Variants in CLCN1 observed in about 807,000 individuals in gnomAD.
The protein encoded by CLCN1 is chloride channel protein 1.
CLCN1 carries 100 observed loss-of-function variants against 114.5 expected under a neutral mutation model. The observed-to-expected ratio is 0.87, with a 90% confidence interval of 0.74 to 1.03. The LOEUF (loss-of-function observed/expected upper bound fraction) is 1.03. Ranked by LOEUF, CLCN1 falls within the 50% of genes least tolerant of loss-of-function variation. The pLI is 0.00. For missense variants in CLCN1, 1,188 were observed against 1,250.0 expected, an observed-to-expected ratio of 0.95 and a Z score of 0.75; for synonymous variants, 485 against 487.1, an observed-to-expected ratio of 1.00 and a Z score of 0.06.
In CLCN1 at chr7:143,350,988, G is replaced by A. The variant is rs1218005507; in HGVS notation, c.2595+334G>A. Among the ~76,000 whole-genome samples the A allele has an allele frequency of 3.3e-5, 5 of 152,124 alleles. No homozygotes were observed. The highest frequency in any genetic ancestry group is 7.3e-5 in the Non-Finnish European group (5 of 68,028). On this transcript the variant is annotated intron_variant, in intron 22 of 22. Transcript: ENST00000343257. The surrounding 1 kb of genome is among the most constrained non-coding windows in gnomAD (Gnocchi z 5.1). ...AGACGGGGTTTTGCCATGTTGGGCA[G>A]GCTAGTCTCAAACTCCTGACCTCAG...
chr7:143,343,859 C>T (rs62471046), intron 16 of CLCN1, among the ~76,000 whole-genome samples: 29,600 of 149,644 alleles, frequency 0.2, 2,949 homozygotes, highest in Non-Finnish European at 0.22. Context: ...TCTTTCTTTT[C>T]GACAGAGCCT....
At position 143,323,870 on chromosome 7, in the gene CLCN1, G is replaced by A. The variant is rs372972779; in HGVS notation, c.774+484G>A. 7.2e-5 allele frequency: 34 copies of A among 472,658 alleles called. No individual in the cohort carries two copies. The East Asian group carries it at 1.6e-3, about 22-fold the overall frequency. The allele number at this position is 472,658 out of a possible 1,614,324, so 29.3% of individuals were successfully genotyped here. On this transcript the variant is annotated intron_variant, in intron 6 of 22. Transcript: ENST00000343257. ...GGTGTCGGCCTGTGCAGTGGGCGTGGGATGCTGCTTTGCAGCCCCTGTCGG... is the reference window on the plus strand; with the variant it reads ...GGTGTCGGCCTGTGCAGTGGGCGTGAGATGCTGCTTTGCAGCCCCTGTCGG...
intron 12 of CLCN1, among the ~76,000 whole-genome samples, chr7:143,335,214 G>A (rs1037735777): frequency 2.6e-5 from 4 of 151,980 alleles, no homozygotes; most frequent in East Asian, 1.9e-4. Flanking sequence ...ATTCCACTTC[G>A]CAAATTCAAG....
intron 16 of CLCN1, 50 bp from the exon 17 acceptor site, chr7:143,345,471 T>C: frequency 6.7e-7 from 1 of 1,488,228 alleles, no homozygotes; most frequent in Non-Finnish European, 9.0e-7. Context: ...AGCGCGGTGG[T>C]GCGAGAGGGC....
chr7:143,346,576 C>G lies in CLCN1; in HGVS notation c.2285-3C>G, dbSNP rs1803254467. ...ATTTCCATCCACTCACCTGTCCTCT[C>G]AGGTCAAAGACCCTCCATCTTCCAG... is the stretch of plus-strand genomic sequence containing the variant. On this transcript the variant is annotated splice_region_variant and splice_polypyrimidine_tract_variant and intron_variant, in intron 18 of 22. Coordinates refer to ENST00000343257, the MANE Select transcript of CLCN1 (RefSeq NM_000083.3). The G allele has an allele frequency of 6.2e-7, 1 of 1,612,124 alleles. No individual in the cohort carries two copies. Among genetic ancestry groups the G allele is most frequent in the Non-Finnish European group, 8.5e-7 (1 of 1,178,492 alleles).
At chr7:143,332,614 A>G in intron 11 of CLCN1, 110 bp from the exon 12 acceptor site, 2 of 1,531,584 alleles carry the variant, frequency 1.3e-6, no homozygotes, top group Non-Finnish European at 1.8e-6. Flanking sequence ...TCTCCCTGAG[A>G]AAAGGGCAAA....
intron 7 of CLCN1, among the ~76,000 whole-genome samples, chr7:143,325,064 T>A (rs1486616065): frequency 1.3e-5 from 2 of 152,252 alleles, no homozygotes; most frequent in African/African-American, 2.4e-5. Flanking sequence ...TCTCCAAGTA[T>A]AAGGCAAATA....
chr7:143,320,726 G>T lies in CLCN1; in HGVS notation c.364G>T (p.Val122Leu). The T allele has an allele frequency of 6.2e-7, 1 of 1,613,560 alleles. No homozygotes were observed. The highest frequency in any genetic ancestry group is 1.1e-5 in the South Asian group (1 of 91,062). The stretch of plus-strand genomic sequence containing the variant: ...ATTAGGGGAAGACGGGATCTTTCTG[G>T]TGCTTCTGGGACTGCTGATGGCTCT... ...RKLGEDGIFL[V>L]LLGLLMALVS... Residue 122 changes from valine to leucine, a missense_variant, in exon 3 of 23, where the codon GTG (valine) becomes TTG (leucine). Coordinates refer to ENST00000343257, the MANE Select transcript of CLCN1 (RefSeq NM_000083.3).
At chr7:143,320,844 C>T (rs1405347137) in intron 3 of CLCN1, 49 bp downstream of exon 3, 1 of 1,610,698 alleles carries the variant, frequency 6.2e-7, no homozygotes, top group South Asian at 1.1e-5. Flanking sequence ...GAGTTTCTAC[C>T]TAGGGTAAGC....
Position 143,316,179 on chromosome 7 carries a change from G to T in CLCN1, c.-34G>T. The T allele has an allele frequency of 6.3e-7, 1 of 1,584,710 alleles. No individual in the cohort carries two copies. Among genetic ancestry groups the T allele is most frequent in the South Asian group, 1.1e-5 (1 of 90,636 alleles). On this transcript the variant is annotated 5_prime_UTR_variant, in exon 1 of 23. Transcript: ENST00000343257. ...CTGGGGGAAGGACAGGGGCAAGCAG[G>T]CCAAGGCCTGGCCGGGGCTCGGGGG... is the stretch of plus-strand genomic sequence containing the variant.
rs2116387531 is a variant in CLCN1, at chr7:143,346,623, G to C, written c.2329G>C (p.Gly777Arg). Reference sequence around the variant, plus strand: ...CCAGTCCCTGCTTCACTGCTTGCTGGGCAGAGCTCGCCCCACAAAGAAGAA... The same window carrying C: ...CCAGTCCCTGCTTCACTGCTTGCTGCGCAGAGCTCGCCCCACAAAGAAGAA... ...IFQSLLHCLL[G>R]RARPTKKKTT... The change falls in exon 19 of 23, where the codon GGC becomes CGC. Residue 777 changes from glycine to arginine, a missense_variant. Physicochemically the swap from Gly to Arg is moderately radical, Grantham distance 125. Coordinates refer to ENST00000343257, the MANE Select transcript of CLCN1 (RefSeq NM_000083.3). 6.2e-7 allele frequency: 1 copy of C among 1,613,870 alleles called. No individual in the cohort carries two copies. Among genetic ancestry groups the C allele is most frequent in the Non-Finnish European group, 8.5e-7 (1 of 1,179,980 alleles).
At chr7:143,336,773 G>A (rs886616022) in intron 12 of CLCN1, among the ~76,000 whole-genome samples, 2 of 152,138 alleles carry the variant, frequency 1.3e-5, no homozygotes, top group African/African-American at 4.8e-5. Context: ...AATCTCATGT[G>A]TCAACCTTTG....
chr7:143,338,653 G>A (rs1802985268), intron 12 of CLCN1, among the ~76,000 whole-genome samples: 1 of 152,088 alleles, frequency 6.6e-6, no homozygotes, highest in African/African-American at 2.4e-5. Context: ...TGGGCATGGT[G>A]GCGTGCGCCT....
At chr7:143,323,163 G>A in intron 5 of CLCN1, 146 bp from the exon 6 acceptor site, 1 of 654,332 alleles carries the variant, frequency 1.5e-6, no homozygotes. Context: ...CTGGGATGAG[G>A]CCTCGTGAGG....
chr7:143,327,930 C>G (rs1802617363), intron 7 of CLCN1, among the ~76,000 whole-genome samples: 1 of 152,320 alleles, frequency 6.6e-6, no homozygotes, highest in Middle Eastern at 3.4e-3. Flanking sequence ...GCTGGGGTTA[C>G]AGGCATGGGC....
At chr7:143,349,954 T>C (rs1474537694) in intron 20 of CLCN1, among the ~76,000 whole-genome samples, 1 of 152,094 alleles carries the variant, frequency 6.6e-6, no homozygotes, top group Non-Finnish European at 1.5e-5. Flanking sequence ...GTAAAGGAAC[T>C]CCAGATGGTC....
chr7:143,336,440 T>C (rs1196339241), intron 12 of CLCN1, among the ~76,000 whole-genome samples: 1 of 150,792 alleles, frequency 6.6e-6, no homozygotes, highest in Non-Finnish European at 1.5e-5. Context: ...CAAAACCCTG[T>C]CTCAACTAAA....
chr7:143,328,343 G>C (rs995383751), intron 7 of CLCN1, among the ~76,000 whole-genome samples: 5 of 152,184 alleles, frequency 3.3e-5, no homozygotes, highest in African/African-American at 1.2e-4. Context: ...AGGAGCAGCA[G>C]AGAAGGTAGA....
intron 11 of CLCN1, 106 bp from the exon 12 acceptor site, chr7:143,332,617 AG>A: frequency 6.5e-7 from 1 of 1,531,552 alleles, no homozygotes; most frequent in Non-Finnish European, 9.0e-7. Flanking sequence ...CCCTGAGAAA[AG>A]GGCAAAAGAG....
Sources: gnomAD v4.1 joint callset for allele counts (sites outside exome capture counted in the v4.1 genomes callset) on GRCh38, gnomAD v4.1.1 for gene constraint, Gnocchi (gnomAD v3.1) non-coding constraint, MANE v1.5 for transcripts, NCBI Gene and HGNC (gene_info 2026-07-23, HGNC 2026-07-21) for gene names.